KIAA0513: variants seen among roughly 807,000 people sequenced by gnomAD.
KIAA0513 encodes uncharacterized protein KIAA0513.
KIAA0513 carries 39 observed loss-of-function variants against 56.5 expected under a neutral mutation model. The ratio of observed to expected loss-of-function variants is 0.69; its 90% CI spans 0.53 to 0.90. KIAA0513 has a LOEUF of 0.90. Among genes scored for constraint, KIAA0513 ranks in the 40% least tolerant of loss-of-function variants. KIAA0513 has a pLI of 0.00. For missense variants in KIAA0513, 591 were observed against 535.2 expected (o/e 1.10, Z -1.03); for synonymous variants, 268 against 215.6 (o/e 1.24, Z -2.13).
At chr16:85,061,406 G>T (rs367594113) in intron 1 of KIAA0513, among the ~76,000 whole-genome samples, 2 of 152,158 alleles carry the variant, frequency 1.3e-5, no homozygotes, top group African/African-American at 2.4e-5. Flanking sequence ...TTCCTTGCCC[G>T]GTCTCTTCCT....
At position 85,079,010 on chromosome 16, in the gene KIAA0513, C is replaced by T; in HGVS notation, c.902+7C>T. 6.2e-7 allele frequency: 1 copy of T among 1,614,170 alleles called. No homozygotes were observed. The highest frequency in any genetic ancestry group is 8.5e-7 in the Non-Finnish European group (1 of 1,180,028). Reference sequence around the variant, plus strand: ...TGAAGCAACAGCCCATCTGGTAAGGCCGAGCCCGCGGCTTCCCGTCACCCT... The same window carrying T: ...TGAAGCAACAGCCCATCTGGTAAGGTCGAGCCCGCGGCTTCCCGTCACCCT... On this transcript the variant is annotated splice_region_variant and intron_variant, in intron 8 of 12. Transcript: ENST00000683363.
chr16:85,085,568 G>A (rs1226392498), intron 10 of KIAA0513, among the ~76,000 whole-genome samples: 1 of 152,232 alleles, frequency 6.6e-6, no homozygotes, highest in East Asian at 1.9e-4. Context: ...CACATTCGCA[G>A]CTGCTTCTGC....
chr16:85,071,702 C>T, intron 2 of KIAA0513, 81 bp from the exon 3 acceptor site: 6 of 1,155,984 alleles, frequency 5.2e-6, no homozygotes. Flanking sequence ...TTAGTTCCTT[C>T]TCCTTGCTCT....
At chr16:85,074,615 C>T (rs2073630196) in intron 4 of KIAA0513, among the ~76,000 whole-genome samples, 1 of 152,166 alleles carries the variant, frequency 6.6e-6, no homozygotes, top group Non-Finnish European at 1.5e-5. Flanking sequence ...TCAGGATACC[C>T]CAAGTCCAAG....
intron 1 of KIAA0513, among the ~76,000 whole-genome samples, chr16:85,059,544 T>A (rs1182628974): frequency 6.6e-6 from 1 of 152,216 alleles, no homozygotes; most frequent in African/African-American, 2.4e-5. Flanking sequence ...AGATGCCAGG[T>A]CTGCCTGGAG....
intron 1 of KIAA0513, among the ~76,000 whole-genome samples, chr16:85,045,037 G>T (rs1294439170): frequency 6.6e-6 from 1 of 152,094 alleles, no homozygotes; most frequent in Non-Finnish European, 1.5e-5. Context: ...AGAACGGCGT[G>T]AACCTGGGAG....
At chr16:85,049,415 T>A (rs2073216755) in intron 1 of KIAA0513, among the ~76,000 whole-genome samples, 1 of 152,190 alleles carries the variant, frequency 6.6e-6, no homozygotes, top group Non-Finnish European at 1.5e-5. Flanking sequence ...TCTGATACGG[T>A]TTGGTTCTGC....
chr16:85,036,573 G>A (rs926725876), intron 1 of KIAA0513, among the ~76,000 whole-genome samples: 2 of 151,724 alleles, frequency 1.3e-5, no homozygotes, highest in African/African-American at 2.4e-5. Flanking sequence ...CTCTGCACTC[G>A]TCTCCATCTG....
Position 85,090,875 on chromosome 16 carries a change from C to T in KIAA0513, c.*2550C>T, listed in dbSNP as rs1408212749. The T allele has an allele frequency of 6.6e-6, 1 of 152,462 alleles. No homozygotes were observed. Among genetic ancestry groups the T allele is most frequent in the Non-Finnish European group, 1.5e-5 (1 of 68,238 alleles). 9.4% of individuals were successfully genotyped at this position (152,462 alleles called of 1,614,324 possible). ...CTGGGACAGGGCTTACCACCTGCCA[C>T]CAAGGTTTCCTCTCTTCCCCCAGGA... On this transcript the variant is annotated 3_prime_UTR_variant, in exon 13 of 13. Transcript: ENST00000683363.
chr16:85,049,678 C>G (rs989858071), intron 1 of KIAA0513, among the ~76,000 whole-genome samples: 1 of 152,168 alleles, frequency 6.6e-6, no homozygotes, highest in African/African-American at 2.4e-5. Context: ...CATAAGTTTC[C>G]TGAGGCATCC....
Position 85,089,132 on chromosome 16 carries a change from G to T in KIAA0513, c.*807G>T, listed in dbSNP as rs947113061. ...CTTCTGAAGCAGAGAAGCCTCCATG[G>T]TCACGAAGCAGCGTTGTGCTGTGTG... On this transcript the variant is annotated 3_prime_UTR_variant, in exon 13 of 13. Coordinates refer to ENST00000683363, the MANE Select transcript of KIAA0513 (RefSeq NM_001388359.1). This position sits in a 1 kb window ranked among gnomAD's most constrained non-coding sequence, Gnocchi z 4.2. 1 of 152,202 alleles carries T rather than the reference G, an allele frequency of 6.6e-6. No homozygotes were observed. The highest frequency in any genetic ancestry group is 1.5e-5 in the Non-Finnish European group (1 of 68,066). The allele number at this position is 152,202 out of a possible 1,614,324, so 9.4% of individuals were successfully genotyped here. A position where few individuals can be genotyped will look rare whatever the true frequency, so the allele number is the denominator to read the frequency against.
At chr16:85,087,672 G>A (rs1347634754) in intron 12 of KIAA0513, among the ~76,000 whole-genome samples, 3 of 152,206 alleles carry the variant, frequency 2.0e-5, no homozygotes, top group Non-Finnish European at 2.9e-5. Flanking sequence ...CTGGGGGCCC[G>A]TCCCTGTGTG....
chr16:85,068,342 T>G (rs1372088880), intron 2 of KIAA0513, among the ~76,000 whole-genome samples: 2 of 146,984 alleles, frequency 1.4e-5, no homozygotes, highest in East Asian at 4.0e-4. Flanking sequence ...TTTTTTTTGT[T>G]TTTTTTTTGA....
chr16:85,072,601 C>T (rs956766791), intron 3 of KIAA0513, among the ~76,000 whole-genome samples: 1 of 151,990 alleles, frequency 6.6e-6, no homozygotes, highest in Non-Finnish European at 1.5e-5. Flanking sequence ...CCCACAAATG[C>T]ACAATTTGGA....
chr16:85,040,841 G>C (rs531692722), intron 1 of KIAA0513, among the ~76,000 whole-genome samples: 1 of 152,200 alleles, frequency 6.6e-6, no homozygotes, highest in Non-Finnish European at 1.5e-5. Flanking sequence ...TGTGCCTTGA[G>C]AACTGTGGAT....
intron 1 of KIAA0513, among the ~76,000 whole-genome samples, chr16:85,064,129 C>A (rs957735173): frequency 1.3e-5 from 2 of 151,674 alleles, no homozygotes; most frequent in Non-Finnish European, 2.9e-5. Flanking sequence ...CCTCAGCCTC[C>A]CGAGTGTTTA....
chr16:85,039,216 C>T (rs2073074508), intron 1 of KIAA0513, among the ~76,000 whole-genome samples: 2 of 152,208 alleles, frequency 1.3e-5, no homozygotes. Context: ...CTATTTTAAC[C>T]AGGCCCATTT....
At chr16:85,041,380 G>A (rs1352002843) in intron 1 of KIAA0513, among the ~76,000 whole-genome samples, 1 of 152,178 alleles carries the variant, frequency 6.6e-6, no homozygotes, top group African/African-American at 2.4e-5. Context: ...AACCGCCCCA[G>A]GCAGAGTGGA....
intron 1 of KIAA0513, among the ~76,000 whole-genome samples, chr16:85,061,806 G>C (rs1395854011): frequency 1.3e-5 from 2 of 152,214 alleles, no homozygotes; most frequent in Non-Finnish European, 2.9e-5. Flanking sequence ...TGGGTGGGAA[G>C]AAGCAGTGGG....
Sources: gnomAD v4.1 joint callset for allele counts (sites outside exome capture counted in the v4.1 genomes callset) on GRCh38, gnomAD v4.1.1 for gene constraint, Gnocchi (gnomAD v3.1) non-coding constraint, MANE v1.5 for transcripts, NCBI Gene and HGNC (gene_info 2026-07-23, HGNC 2026-07-21) for gene names.